Variants in PTCD1 observed in about 807,000 individuals in gnomAD.
The protein encoded by PTCD1 is pentatricopeptide repeat domain 1.
PTCD1 carries 50 observed loss-of-function variants against 53.4 expected under a neutral mutation model. The ratio of observed to expected loss-of-function variants is 0.94; its 90% CI spans 0.75 to 1.19. The LOEUF (loss-of-function observed/expected upper bound fraction) is 1.19. PTCD1 is among the 50% of genes most tolerant of loss of function. The pLI, the probability that PTCD1 is intolerant of heterozygous loss-of-function variation, is 0.00. For synonymous variants in PTCD1, 413 were observed against 394.8 expected (o/e 1.05, Z -0.55); for missense variants, 918 against 904.8 (o/e 1.01, Z -0.19).
intron 5 of PTCD1, among the ~76,000 whole-genome samples, chr7:99,426,124 CCTCCCT>C (rs1796005301): frequency 6.9e-6 from 1 of 144,646 alleles, no homozygotes; most frequent in Admixed American, 6.9e-5. Context: ...TCCCTCTCCC[CCTCCCT>C]CTCCCCATGG....
In PTCD1 at chr7:99,418,626, C is replaced by G. The variant is rs1240322352; in HGVS notation, c.*1341G>C. 1.3e-5 allele frequency: 2 copies of G among 152,634 alleles called. No individual in the cohort carries two copies. Among genetic ancestry groups the G allele is most frequent in the African/African-American group, 4.8e-5 (2 of 41,448 alleles). The allele number at this position is 152,634 out of a possible 1,614,324, so 9.5% of individuals were successfully genotyped here. A position where few individuals can be genotyped will look rare whatever the true frequency, so the allele number is the denominator to read the frequency against. On this transcript the variant is annotated 3_prime_UTR_variant, in exon 8 of 8. Coordinates refer to ENST00000292478, the MANE Select transcript of PTCD1 (RefSeq NM_015545.4). ...CAAGGGCCGCCTCCCCGACGGAAGA[C>G]TGGGGTGTTGGTTTTCTGATGGAGG...
At chr7:99,426,850 C>T (rs1319933211) in intron 5 of PTCD1, among the ~76,000 whole-genome samples, 2 of 146,528 alleles carry the variant, frequency 1.4e-5, no homozygotes, top group East Asian at 4.2e-4. Context: ...ATGTGAGGAG[C>T]GCCTCTGCCC....
rs781722453 is a variant in PTCD1 at position 99,425,408 on chromosome 7, A to G, written c.1124T>C (p.Met375Thr). 1.9e-6 allele frequency: 3 copies of G among 1,614,150 alleles called. No homozygotes were observed. The highest frequency in any genetic ancestry group is 2.2e-5 in the East Asian group (1 of 44,892). ...RTAQAKAGNLMSAMLHVEALE... is the reference protein window; with the variant it reads ...RTAQAKAGNLTSAMLHVEALE... ...GGCCTCCACATGCAGCATGGCTGAC[A>G]TGAGGTTGCCTGCCTTGGCCTGGGC... is the stretch of plus-strand genomic sequence containing the variant. Residue 375 changes from methionine to threonine, a missense_variant, in exon 6 of 8, where the codon ATG becomes ACG. Met to Thr is a moderately conservative substitution (Grantham distance 81). Coordinates refer to ENST00000292478, the MANE Select transcript of PTCD1 (RefSeq NM_015545.4).
intron 3 of PTCD1, among the ~76,000 whole-genome samples, chr7:99,431,061 C>T (rs1346842036): frequency 6.6e-6 from 1 of 151,452 alleles, no homozygotes; most frequent in East Asian, 1.9e-4. Context: ...GGTGACAGAG[C>T]CAAAACTCCC....
rs1202415800 is a variant in PTCD1 at position 99,424,818 on chromosome 7, G to A, written c.1714C>T (p.Leu572=). ...AIGCHRPKDG[L]QLLTDMKKSQ... ...ACCTTCATGTCTGTGAGAAGCTGTAGACCGTCCTTCGGCCTGTGGCACCCG... is the reference window on the plus strand; with the variant it reads ...ACCTTCATGTCTGTGAGAAGCTGTAAACCGTCCTTCGGCCTGTGGCACCCG... The change falls in exon 6 of 8, where the codon CTA becomes TTA. Residue 572 remains leucine, a synonymous_variant. Transcript: ENST00000292478. 1 of 1,614,194 alleles carries A rather than the reference G, an allele frequency of 6.2e-7. No homozygotes were observed. Among genetic ancestry groups the A allele is most frequent in the Admixed American group, 1.7e-5 (1 of 60,028 alleles).
intron 5 of PTCD1, among the ~76,000 whole-genome samples, chr7:99,428,696 G>A (rs781131701): frequency 1.1e-4 from 16 of 151,804 alleles, no homozygotes; most frequent in Non-Finnish European, 2.2e-4. Flanking sequence ...AGCCAAGATC[G>A]CTCACTCCAG....
chr7:99,429,030 G>A lies in PTCD1; in HGVS notation c.915+73C>T, dbSNP rs1584461387. 5.2e-6 allele frequency: 8 copies of A among 1,547,722 alleles called. No homozygotes were observed. In the East Asian group the frequency reaches 1.8e-4, roughly 35 times the overall value. On this transcript the variant is annotated intron_variant, in intron 5 of 7. Coordinates refer to ENST00000292478, the MANE Select transcript of PTCD1 (RefSeq NM_015545.4). ...TACTCAGCACAGGGCCATCGTGGGT[G>A]CTCACAGGATCACCATTTTGCACCT...
At chr7:99,425,824 T>C (rs1017076512) in intron 5 of PTCD1, among the ~76,000 whole-genome samples, 9 of 152,124 alleles carry the variant, frequency 5.9e-5, no homozygotes, top group Non-Finnish European at 1.0e-4. Flanking sequence ...CCCAACACTT[T>C]AGGAAGCTAA....
rs572805068 is a variant in PTCD1, at chr7:99,432,470, A to G, written c.594+808T>C. ...TTATGACACAGAGACCTTTGCTCAC[A>G]TATTTTCCTGCTGACCCTCTCCCCA... is the stretch of plus-strand genomic sequence containing the variant. On this transcript the variant is annotated intron_variant, in intron 3 of 7. Coordinates refer to ENST00000292478, the MANE Select transcript of PTCD1 (RefSeq NM_015545.4). Among the ~76,000 whole-genome samples, 81 of 152,314 alleles carry G rather than the reference A, an allele frequency of 5.3e-4. 1 individual carries two copies. The Middle Eastern group carries it at 0.024, about 45-fold the overall frequency.
rs1405652938 is a variant in PTCD1 at position 99,438,692 on chromosome 7, T to C, written c.-27A>G. On this transcript the variant is annotated splice_region_variant and 5_prime_UTR_variant, in exon 1 of 8. Transcript: ENST00000292478. Reference sequence around the variant, plus strand: ...CTGCGAGGATCACACAGGAACTCACTTGAAGTGTCCGGCGCAGTGCACTCC... The same window carrying C: ...CTGCGAGGATCACACAGGAACTCACCTGAAGTGTCCGGCGCAGTGCACTCC... 3.9e-6 allele frequency: 5 copies of C among 1,278,706 alleles called. No homozygotes were observed. The Admixed American group carries it at 7.3e-5, about 19-fold the overall frequency. 79.2% of individuals were successfully genotyped at this position (1,278,706 alleles called of 1,614,324 possible).
In PTCD1 at chr7:99,419,286, ATAT is replaced by A; in HGVS notation, c.*678_*680del. On this transcript the variant is annotated 3_prime_UTR_variant, in exon 8 of 8. Transcript: ENST00000292478. ...GGAAGGGTTTCTGAGGTGTGTCCCT[ATAT>A]GGCATGGTGGCAGGTCCTTCGTGGG... 1 of 1,387,150 alleles carries A rather than the reference ATAT, an allele frequency of 7.2e-7. No individual in the cohort carries two copies. Among genetic ancestry groups the A allele is most frequent in the South Asian group, 1.2e-5 (1 of 85,374 alleles). 85.9% of individuals were successfully genotyped at this position (1,387,150 alleles called of 1,614,324 possible).
Position 99,424,901 on chromosome 7 carries a change from G to T in PTCD1, c.1631C>A (p.Pro544Gln). ...GACGAGGCCCCTCTTTGCCAGGACC[G>T]GCAACAGCGCCTTGGCCCCCTCCAG... ...GDLEGAKALL[P>Q]VLAKRGLVPN... Residue 544 changes from proline (P) to glutamine (Q), a missense_variant, in exon 6 of 8, where the codon CCG (proline) becomes CAG (glutamine). By Grantham distance (76) the Pro-to-Gln change is moderately conservative. Transcript: ENST00000292478. The T allele has an allele frequency of 6.2e-7, 1 of 1,614,232 alleles. No homozygotes were observed. The highest frequency in any genetic ancestry group is 1.1e-5 in the South Asian group (1 of 91,090).
At chr7:99,433,531 T>C (rs1584466362) in intron 2 of PTCD1, 113 bp from the exon 3 acceptor site, 2 of 1,585,482 alleles carry the variant, frequency 1.3e-6, no homozygotes, top group Non-Finnish European at 1.7e-6. Flanking sequence ...ACGGCGGCCC[T>C]GGGTGACTGC....
chr7:99,419,959 T>C lies in PTCD1; in HGVS notation c.*8A>G, dbSNP rs1382492627. On this transcript the variant is annotated 3_prime_UTR_variant, in exon 8 of 8. Coordinates refer to ENST00000292478, the MANE Select transcript of PTCD1 (RefSeq NM_015545.4). Reference sequence around the variant, plus strand: ...GGGGCCGAGCACATTGTTCCAGCTGTGCTCCCATCACCTGCCCCCAAGGGC... The same window carrying C: ...GGGGCCGAGCACATTGTTCCAGCTGCGCTCCCATCACCTGCCCCCAAGGGC... The C allele has an allele frequency of 1.2e-6, 2 of 1,614,066 alleles. No homozygotes were observed. The highest frequency in any genetic ancestry group is 2.7e-5 in the African/African-American group (2 of 74,944).
At chr7:99,432,955 A>G (rs555371250) in intron 3 of PTCD1, 1 of 440,508 alleles carries the variant, frequency 2.3e-6, no homozygotes, top group South Asian at 2.1e-5. Flanking sequence ...AGGCTGAGGC[A>G]GGAGGAACTC....
At chr7:99,437,737 T>C (rs1796541071) in intron 1 of PTCD1, among the ~76,000 whole-genome samples, 1 of 152,100 alleles carries the variant, frequency 6.6e-6, no homozygotes, top group Admixed American at 6.6e-5. Flanking sequence ...CAATCTCGGC[T>C]CAATGCAACC....
chr7:99,429,166 G>A lies in PTCD1; in HGVS notation c.852C>T (p.Thr284=), dbSNP rs1796166008. 1 of 1,614,112 alleles carries A rather than the reference G, an allele frequency of 6.2e-7. No individual in the cohort carries two copies. The highest frequency in any genetic ancestry group is 8.5e-7 in the Non-Finnish European group (1 of 1,180,006). The change falls in exon 5 of 8, where the codon ACC becomes ACT. Residue 284 remains threonine, a synonymous_variant. Transcript: ENST00000292478. The part of the protein sequence containing the change: ...IHKGHVVTEE[T]FSFLLMGCIQ... The stretch of plus-strand genomic sequence containing the variant: ...TGCAGCCCATGAGCAGGAAACTGAA[G>A]GTCTCCTCTGTGACCACGTGCCCTT...
intron 1 of PTCD1, among the ~76,000 whole-genome samples, chr7:99,436,466 T>A (rs947160579): frequency 6.6e-6 from 1 of 151,990 alleles, no homozygotes; most frequent in Non-Finnish European, 1.5e-5. Context: ...AATATAAAAA[T>A]TAGCTGGGCG....
chr7:99,437,855 G>A (rs1182282397), intron 1 of PTCD1, among the ~76,000 whole-genome samples: 2 of 152,082 alleles, frequency 1.3e-5, no homozygotes, highest in Admixed American at 6.6e-5. Flanking sequence ...AGTAGGGACG[G>A]GGTTTTGCCA....
Sources: allele counts gnomAD v4.1 joint callset (sites outside exome capture counted in the v4.1 genomes callset), GRCh38; gene constraint gnomAD v4.1.1; transcripts MANE v1.5; gene names NCBI Gene and HGNC (gene_info 2026-07-23, HGNC 2026-07-21).